Variants in CCDC178 observed in about 807,000 individuals in gnomAD.
CCDC178 encodes coiled-coil domain containing 178.
In CCDC178, 126 loss-of-function variants were observed where a neutral mutation model predicts 117.4. That is an observed-to-expected ratio of 1.07 (90% CI 0.93 to 1.24). The LOEUF is 1.24. Ranked by LOEUF, CCDC178 falls within the 50% of genes most tolerant of loss-of-function variation. The probability of loss-of-function intolerance (pLI) is 0.00; values close to 1 mark genes in which losing one functional copy is unlikely to be tolerated. For missense variants in CCDC178, 1,030 were observed against 986.9 expected, an observed-to-expected ratio of 1.04 and a Z score of -0.59; for synonymous variants, 283 against 313.4, an observed-to-expected ratio of 0.90 and a Z score of 1.02.
chr18:33,309,248 G>C (rs992596069), intron 11 of CCDC178, among the ~76,000 whole-genome samples: 53 of 151,316 alleles, frequency 3.5e-4, no homozygotes, highest in African/African-American at 1.2e-3. Context: ...TTGTGAATCA[G>C]TGGTAAAAAT....
chr18:33,429,162 G>T (rs1393644092), intron 2 of CCDC178, among the ~76,000 whole-genome samples: 1 of 151,988 alleles, frequency 6.6e-6, no homozygotes, highest in Non-Finnish European at 1.5e-5. Flanking sequence ...GTCAGGAAAA[G>T]ATACTGCAAA....
At chr18:33,285,446 T>C (rs1016228021) in intron 12 of CCDC178, among the ~76,000 whole-genome samples, 4 of 152,148 alleles carry the variant, frequency 2.6e-5, no homozygotes, top group Non-Finnish European at 5.9e-5. Flanking sequence ...GTAATAAGAA[T>C]GGAAGAAAAG....
chr18:33,117,467 T>C (rs2057873419), intron 20 of CCDC178, among the ~76,000 whole-genome samples: 1 of 152,020 alleles, frequency 6.6e-6, no homozygotes, highest in Non-Finnish European at 1.5e-5. Flanking sequence ...TATGGCAACA[T>C]TCCCTGAGGT....
chr18:33,052,722 A>G (rs2056766181), intron 21 of CCDC178, among the ~76,000 whole-genome samples: 1 of 152,194 alleles, frequency 6.6e-6, no homozygotes, highest in South Asian at 2.1e-4. Flanking sequence ...TTTGAAAATG[A>G]CAAGGAAGTT....
intron 11 of CCDC178, among the ~76,000 whole-genome samples, chr18:33,319,218 T>A (rs2062466459): frequency 6.6e-6 from 1 of 151,694 alleles, no homozygotes; most frequent in African/African-American, 2.4e-5. Context: ...CAGGCCCCAG[T>A]GTGTGATGTT....
At chr18:33,298,034 C>G (rs939977368) in intron 11 of CCDC178, among the ~76,000 whole-genome samples, 1 of 59,700 alleles carries the variant, frequency 1.7e-5, no homozygotes, top group African/African-American at 6.9e-5. Flanking sequence ...GAGCGAGACT[C>G]TGTCTGAAAA....
At chr18:33,068,143 C>T (rs2057049710) in intron 21 of CCDC178, among the ~76,000 whole-genome samples, 1 of 151,906 alleles carries the variant, frequency 6.6e-6, no homozygotes, top group South Asian at 2.1e-4. Context: ...GTGAACAGAT[C>T]AATAATGAGT....
intron 2 of CCDC178, among the ~76,000 whole-genome samples, chr18:33,421,956 G>T (rs1354245191): frequency 1.3e-5 from 2 of 152,062 alleles, no homozygotes; most frequent in Non-Finnish European, 2.9e-5. Context: ...CTTCAGAAAC[G>T]AAACAGAAGA....
chr18:32,971,070 T>C (rs1293536192), intron 22 of CCDC178, among the ~76,000 whole-genome samples: 1 of 152,062 alleles, frequency 6.6e-6, no homozygotes, highest in Non-Finnish European at 1.5e-5. Context: ...GTTTGTTACA[T>C]AGGTATATAT....
chr18:33,293,372 A>C, intron 11 of CCDC178, 60 bp from the exon 12 acceptor site: 1 of 1,106,148 alleles, frequency 9.0e-7, no homozygotes. Context: ...ATTTTAAATT[A>C]TACTTAGGCC....
At chr18:33,421,789 A>C (rs1185497788) in intron 2 of CCDC178, among the ~76,000 whole-genome samples, 1 of 152,212 alleles carries the variant, frequency 6.6e-6, no homozygotes, top group African/African-American at 2.4e-5. Flanking sequence ...GGTTCTAGAA[A>C]CAGGGATATG....
chr18:32,942,027 G>A (rs1276800406), intron 22 of CCDC178, among the ~76,000 whole-genome samples: 1 of 152,070 alleles, frequency 6.6e-6, no homozygotes, highest in African/African-American at 2.4e-5. Context: ...TTCTGTTTCT[G>A]TTGCCATCCC....
intron 12 of CCDC178, among the ~76,000 whole-genome samples, chr18:33,269,494 A>G (rs943580237): frequency 6.6e-6 from 1 of 151,814 alleles, no homozygotes; most frequent in African/African-American, 2.4e-5. Context: ...CAACAATAAC[A>G]AAAACTACGG....
At chr18:33,011,383 T>C (rs551495561) in intron 21 of CCDC178, among the ~76,000 whole-genome samples, 1 of 152,238 alleles carries the variant, frequency 6.6e-6, no homozygotes, top group South Asian at 2.1e-4. Flanking sequence ...GCCATTTGCA[T>C]CTGAGGAAGA....
intron 21 of CCDC178, among the ~76,000 whole-genome samples, chr18:32,981,423 T>C (rs191831587): frequency 6.6e-4 from 100 of 152,290 alleles, no homozygotes; most frequent in African/African-American, 2.3e-3. Flanking sequence ...AAAACAAATA[T>C]AGAAAATGTC....
At chr18:33,233,760 A>C (rs1276499464) in intron 15 of CCDC178, among the ~76,000 whole-genome samples, 1 of 152,100 alleles carries the variant, frequency 6.6e-6, no homozygotes, top group African/African-American at 2.4e-5. Context: ...ACATTTATTT[A>C]AGAGATGAGA....
intron 20 of CCDC178, among the ~76,000 whole-genome samples, chr18:33,206,866 C>A (rs1045764003): frequency 1.3e-5 from 2 of 152,120 alleles, no homozygotes. Flanking sequence ...TTGCTAGAAG[C>A]CCCCTGATAA....
intron 20 of CCDC178, among the ~76,000 whole-genome samples, chr18:33,124,377 C>A (rs1361815399): frequency 6.6e-6 from 1 of 152,060 alleles, no homozygotes; most frequent in Non-Finnish European, 1.5e-5. Context: ...GATTCCGGGG[C>A]CATGGGAATC....
intron 20 of CCDC178, among the ~76,000 whole-genome samples, chr18:33,170,680 A>G (rs1048970638): frequency 6.6e-6 from 1 of 152,180 alleles, no homozygotes; most frequent in Non-Finnish European, 1.5e-5. Context: ...ATAAATTGAT[A>G]GAAATAAATA....
Sources: gnomAD v4.1 joint callset for allele counts (sites outside exome capture counted in the v4.1 genomes callset) on GRCh38, gnomAD v4.1.1 for gene constraint, MANE v1.5 for transcripts, NCBI Gene and HGNC (gene_info 2026-07-23, HGNC 2026-07-21) for gene names.